Variants in RFX3 observed in about 807,000 individuals in gnomAD.
The protein encoded by RFX3 is regulatory factor X3.
RFX3 carries 14 observed loss-of-function variants against 98.6 expected under a neutral mutation model. The observed-to-expected ratio is 0.14, with a 90% CI of 0.09 to 0.22. The LOEUF (loss-of-function observed/expected upper bound fraction) is 0.22, where lower values mean the gene tolerates loss of function less well. Among genes scored for constraint, RFX3 ranks in the 10% least tolerant of loss-of-function variants. The probability of loss-of-function intolerance (pLI) is 1.00; values close to 1 mark genes in which losing one functional copy is unlikely to be tolerated. For synonymous variants in RFX3, 383 were observed against 328.4 expected, an observed-to-expected ratio of 1.17 and a Z score of -1.80; for missense variants, 639 against 926.9, an observed-to-expected ratio of 0.69 and a Z score of 4.03.
At chr9:3,246,346 C>G (rs1820670027) in intron 15 of RFX3, among the ~76,000 whole-genome samples, 1 of 151,978 alleles carries the variant, frequency 6.6e-6, no homozygotes, top group African/African-American at 2.4e-5. Flanking sequence ...TTATGTAGCC[C>G]ATTTTAATTC....
At chr9:3,351,945 A>G (rs1409703869) in intron 2 of RFX3, among the ~76,000 whole-genome samples, 5 of 151,992 alleles carry the variant, frequency 3.3e-5, no homozygotes, top group Admixed American at 2.0e-4. Flanking sequence ...AGAAAACTCA[A>G]TATCTGAAGA....
intron 1 of RFX3, among the ~76,000 whole-genome samples, chr9:3,398,584 C>T (rs544426524): frequency 2.8e-4 from 43 of 152,240 alleles, no homozygotes; most frequent in African/African-American, 8.4e-4. Context: ...AGGAAGACAG[C>T]GTTGCCAGTT....
chr9:3,333,731 T>C (rs895772399), intron 3 of RFX3, among the ~76,000 whole-genome samples: 3 of 152,146 alleles, frequency 2.0e-5, no homozygotes, highest in Non-Finnish European at 4.4e-5. Flanking sequence ...TATAGAACAA[T>C]AAATACTTTG....
chr9:3,407,201 G>C (rs978122826), intron 1 of RFX3, among the ~76,000 whole-genome samples: 2 of 152,048 alleles, frequency 1.3e-5, no homozygotes, highest in African/African-American at 4.8e-5. Flanking sequence ...TTTGAGCTTG[G>C]TAACATTCAA....
At chr9:3,376,789 G>A (rs1474257437) in intron 2 of RFX3, among the ~76,000 whole-genome samples, 1 of 152,150 alleles carries the variant, frequency 6.6e-6, no homozygotes, top group African/African-American at 2.4e-5. Context: ...CAAAGGACAT[G>A]AACAGACACT....
At chr9:3,438,077 C>G (rs1225573411) in intron 1 of RFX3, among the ~76,000 whole-genome samples, 1 of 152,010 alleles carries the variant, frequency 6.6e-6, no homozygotes, top group Non-Finnish European at 1.5e-5. Context: ...AAGATGTTCT[C>G]CATATGATCG....
intron 4 of RFX3, among the ~76,000 whole-genome samples, chr9:3,313,848 A>G (rs1251147351): frequency 2.6e-5 from 4 of 152,214 alleles, no homozygotes; most frequent in African/African-American, 9.6e-5. Flanking sequence ...AAACGAACAA[A>G]GCCTCCAAGA....
chr9:3,488,775 C>T lies in RFX3; in HGVS notation c.-9+36972G>A, dbSNP rs1021344314. Reference sequence around the variant, plus strand: ...TTTGATGTACTTTACAGAGGACTTACGCAGAACCACAAGTTTGAAATGGAG... The same window carrying T: ...TTTGATGTACTTTACAGAGGACTTATGCAGAACCACAAGTTTGAAATGGAG... On this transcript the variant is annotated intron_variant, in intron 1 of 16. Coordinates refer to ENST00000617270, the MANE Select transcript of RFX3 (RefSeq NM_001282116.2). 25 of 985,126 alleles carry T rather than the reference C, an allele frequency of 2.5e-5. No individual in the cohort carries two copies. In the Admixed American group the frequency reaches 9.8e-4, roughly 39 times the overall value. The allele number at this position is 985,126 out of a possible 1,614,324, so 61.0% of individuals were successfully genotyped here.
At chr9:3,450,030 G>A (rs1846432467) in intron 1 of RFX3, among the ~76,000 whole-genome samples, 1 of 152,204 alleles carries the variant, frequency 6.6e-6, no homozygotes, top group African/African-American at 2.4e-5. Flanking sequence ...ATCAGATCCT[G>A]TGGTTCTACC....
At chr9:3,347,257 G>T (rs1338141047) in intron 2 of RFX3, among the ~76,000 whole-genome samples, 2 of 151,930 alleles carry the variant, frequency 1.3e-5, no homozygotes, top group Admixed American at 6.6e-5. Flanking sequence ...GGAGGCAGAG[G>T]TTGCAGTGAG....
intron 7 of RFX3, among the ~76,000 whole-genome samples, chr9:3,281,269 T>C (rs1355890525): frequency 6.6e-6 from 1 of 151,582 alleles, no homozygotes; most frequent in Non-Finnish European, 1.5e-5. Flanking sequence ...TGATTCTCTA[T>C]ACTCTTCATA....
At chr9:3,447,851 T>C (rs959246098) in intron 1 of RFX3, among the ~76,000 whole-genome samples, 16 of 152,198 alleles carry the variant, frequency 1.1e-4, no homozygotes, top group Non-Finnish European at 1.5e-4. Context: ...ATTTAAAGGC[T>C]AGCAGTGCTT....
At chr9:3,252,328 C>T (rs1265195553) in intron 14 of RFX3, among the ~76,000 whole-genome samples, 2 of 152,070 alleles carry the variant, frequency 1.3e-5, no homozygotes, top group African/African-American at 4.8e-5. Flanking sequence ...TTAGGTGAGA[C>T]AGTTGGTAAA....
chr9:3,308,657 G>C (rs1360693498), intron 4 of RFX3, among the ~76,000 whole-genome samples: 1 of 152,128 alleles, frequency 6.6e-6, no homozygotes, highest in East Asian at 1.9e-4. Flanking sequence ...AACATAAATA[G>C]AAAAATCAAA....
chr9:3,334,966 CA>C, intron 3 of RFX3, among the ~76,000 whole-genome samples: 1 of 151,810 alleles, frequency 6.6e-6, no homozygotes, highest in African/African-American at 2.4e-5. Context: ...TAAAAAAATA[CA>C]AAAAATTAGC....
At chr9:3,318,548 TA>T (rs375374826) in intron 4 of RFX3, among the ~76,000 whole-genome samples, 19,374 of 133,854 alleles carry the variant, frequency 0.14, 1,342 homozygotes, top group Middle Eastern at 0.21. Context: ...AAATTAAAAT[TA>T]AAAAAAAAAA....
rs144604979 is a variant in RFX3, at chr9:3,408,019, G to A, written c.-8-12423C>T. ...TGAGCTCTCAGGTACACACCATAAC[G>A]CCCACTTCTAAAGGAGTAGGAATGA... On this transcript the variant is annotated intron_variant, in intron 1 of 16. Coordinates refer to ENST00000617270, the MANE Select transcript of RFX3 (RefSeq NM_001282116.2). Among the ~76,000 whole-genome samples, 7 of 152,108 alleles carry A rather than the reference G, an allele frequency of 4.6e-5. No homozygotes were observed. The East Asian group carries it at 9.7e-4, about 21-fold the overall frequency.
chr9:3,427,046 G>C (rs1183286497), intron 1 of RFX3, among the ~76,000 whole-genome samples: 1 of 151,568 alleles, frequency 6.6e-6, no homozygotes, highest in Admixed American at 6.6e-5. Context: ...ACCACAATTT[G>C]TTTGTTTAAG....
intron 1 of RFX3, among the ~76,000 whole-genome samples, chr9:3,467,078 G>A (rs1194649809): frequency 7.3e-6 from 1 of 137,674 alleles, no homozygotes; most frequent in Non-Finnish European, 1.6e-5. Context: ...AAGTATATAT[G>A]TATATACATA....
Sources: gnomAD v4.1 joint callset for allele counts (sites outside exome capture counted in the v4.1 genomes callset) on GRCh38, gnomAD v4.1.1 for gene constraint, MANE v1.5 for transcripts, NCBI Gene and HGNC (gene_info 2026-07-23, HGNC 2026-07-21) for gene names.